Variants in VPS13B observed in about 807,000 individuals in gnomAD.
The protein encoded by VPS13B is vacuolar protein sorting 13 homolog B.
In VPS13B, 285 loss-of-function variants were observed where a neutral mutation model predicts 426.4. The observed-to-expected ratio is 0.67, with a 90% CI of 0.61 to 0.74. The LOEUF is 0.74. VPS13B is among the 30% of genes least tolerant of loss of function. VPS13B has a pLI of 0.00. For synonymous variants in VPS13B, 1,676 were observed against 1,676.4 expected, an observed-to-expected ratio of 1.00 and a Z score of 0.01; for missense variants, 4,537 against 4,782.6, an observed-to-expected ratio of 0.95 and a Z score of 1.51.
chr8:99,058,906 A>G (rs967349675), intron 3 of VPS13B, among the ~76,000 whole-genome samples: 39 of 152,186 alleles, frequency 2.6e-4, no homozygotes, highest in African/African-American at 9.2e-4. Flanking sequence ...CTAGCTCATC[A>G]TATGCTAACA....
At chr8:99,763,512 G>A (rs989703740) in intron 39 of VPS13B, among the ~76,000 whole-genome samples, 5 of 152,142 alleles carry the variant, frequency 3.3e-5, no homozygotes, top group African/African-American at 1.2e-4. Context: ...ATAGTGATAA[G>A]AGCTGTAAAA....
intron 17 of VPS13B, chr8:99,233,339 G>A (rs1299608937): frequency 2.8e-6 from 3 of 1,056,852 alleles, no homozygotes; most frequent in Non-Finnish European, 4.5e-6. Context: ...TCTTCTTTGG[G>A]GTTAAAGAAG....
Position 99,132,633 on chromosome 8 carries a change from T to TA in VPS13B, c.1207-1998dup, listed in dbSNP as rs550607619. Among the ~76,000 whole-genome samples the TA allele has an allele frequency of 3.5e-3, 532 of 152,338 alleles. 2 individuals carry two copies. The highest frequency in any genetic ancestry group is 5.7e-3 in the Non-Finnish European group (391 of 68,038). On this transcript the variant is annotated intron_variant, in intron 8 of 61. Coordinates refer to ENST00000357162, the MANE Select transcript of VPS13B (RefSeq NM_152564.5). ...TCACTATCTATGGTGGCTATAGCCT[T>TA]ACGAAATGTATTCCTTAAATAATAA... is the stretch of plus-strand genomic sequence containing the variant.
At chr8:99,111,582 T>A (rs1847371404) in intron 6 of VPS13B, among the ~76,000 whole-genome samples, 1 of 152,054 alleles carries the variant, frequency 6.6e-6, no homozygotes, top group Non-Finnish European at 1.5e-5. Flanking sequence ...AAAGGTATAT[T>A]TATACCCACA....
chr8:99,743,278 C>A (rs1000081464), intron 39 of VPS13B, among the ~76,000 whole-genome samples: 1 of 151,838 alleles, frequency 6.6e-6, no homozygotes, highest in East Asian at 1.9e-4. Flanking sequence ...ACATGAAGGA[C>A]CTCTTCAAGG....
At chr8:99,640,753 T>C (rs2133929693) in intron 33 of VPS13B, among the ~76,000 whole-genome samples, 1 of 152,302 alleles carries the variant, frequency 6.6e-6, no homozygotes, top group Non-Finnish European at 1.5e-5. Flanking sequence ...ATGTCAACAT[T>C]TGAGTTATCA....
chr8:99,845,447 A>C (rs1815932251), intron 54 of VPS13B, among the ~76,000 whole-genome samples: 1 of 152,200 alleles, frequency 6.6e-6, no homozygotes, highest in Non-Finnish European at 1.5e-5. Context: ...TGAGCCTGGG[A>C]TCACTCGTGC....
intron 17 of VPS13B, among the ~76,000 whole-genome samples, chr8:99,195,821 C>T (rs1232884607): frequency 6.6e-6 from 1 of 152,162 alleles, no homozygotes; most frequent in African/African-American, 2.4e-5. Context: ...AGAATCTGTT[C>T]TTTCCCCATT....
chr8:99,033,709 A>G (rs1842618785), intron 2 of VPS13B, among the ~76,000 whole-genome samples: 1 of 152,082 alleles, frequency 6.6e-6, no homozygotes, highest in South Asian at 2.1e-4. Context: ...CAGCCTGACC[A>G]TCATGGTGAA....
intron 34 of VPS13B, among the ~76,000 whole-genome samples, chr8:99,645,460 A>G (rs1806210306): frequency 6.6e-6 from 1 of 152,232 alleles, no homozygotes; most frequent in South Asian, 2.1e-4. Flanking sequence ...TGGCCCTGCC[A>G]TCAATTAGTA....
chr8:99,766,735 T>A (rs1474148073), intron 39 of VPS13B, 39 bp from the exon 40 acceptor site: 2 of 1,553,044 alleles, frequency 1.3e-6, no homozygotes, highest in Non-Finnish European at 1.8e-6. Context: ...AAGCATAGTT[T>A]CTATTTGCAA....
At chr8:99,520,389 TTGTGTGTGTGTG>T (rs140216567) in intron 29 of VPS13B, among the ~76,000 whole-genome samples, 41 of 138,568 alleles carry the variant, frequency 3.0e-4, no homozygotes, top group Middle Eastern at 3.7e-3. Context: ...GTGATATACT[TTGTGTGTGTGTG>T]TGTGTGTGTG....
intron 8 of VPS13B, among the ~76,000 whole-genome samples, chr8:99,124,251 C>T (rs1488313811): frequency 1.3e-5 from 2 of 152,108 alleles, no homozygotes; most frequent in African/African-American, 4.8e-5. Context: ...TGATTTTGAG[C>T]AGAGCAGTGA....
intron 25 of VPS13B, among the ~76,000 whole-genome samples, chr8:99,489,870 CT>C (rs1247652091): frequency 3.3e-5 from 5 of 152,174 alleles, no homozygotes; most frequent in Non-Finnish European, 4.4e-5. Context: ...TTGACTTCCT[CT>C]TTTCCTGCTT....
chr8:99,858,684 C>CA lies in VPS13B; in HGVS notation c.10868-608dup, dbSNP rs796946310. Among the ~76,000 whole-genome samples the CA allele has an allele frequency of 4.6e-3, 659 of 141,882 alleles. 3 individuals carry two copies. The highest frequency in any genetic ancestry group is 8.0e-3 in the African/African-American group (312 of 38,816). 93.1% of individuals were successfully genotyped at this position (141,882 alleles called of 152,430 possible). A position where few individuals can be genotyped will look rare whatever the true frequency, so the allele number is the denominator to read the frequency against. On this transcript the variant is annotated intron_variant, in intron 56 of 61. Coordinates refer to ENST00000357162, the MANE Select transcript of VPS13B (RefSeq NM_152564.5). Reference sequence around the variant, plus strand: ...TGGGTGACAGAGTGAGACTCGATCTCAAAAAAAAAAAATGTCCCTGTCTCT... The same window carrying CA: ...TGGGTGACAGAGTGAGACTCGATCTCAAAAAAAAAAAAATGTCCCTGTCTCT...
At chr8:99,256,958 T>C (rs1480589330) in intron 17 of VPS13B, among the ~76,000 whole-genome samples, 2 of 152,172 alleles carry the variant, frequency 1.3e-5, no homozygotes, top group Non-Finnish European at 2.9e-5. Flanking sequence ...AGAGCCTGAA[T>C]TGGTCTTATT....
intron 24 of VPS13B, among the ~76,000 whole-genome samples, chr8:99,476,313 A>G (rs567942838): frequency 6.6e-6 from 1 of 152,260 alleles, no homozygotes; most frequent in South Asian, 2.1e-4. Flanking sequence ...ACAAAACATG[A>G]GACTCTAAAT....
chr8:99,693,772 G>C (rs1282006311), intron 35 of VPS13B, among the ~76,000 whole-genome samples: 1 of 148,264 alleles, frequency 6.7e-6, no homozygotes, highest in South Asian at 2.2e-4. Flanking sequence ...GTTTGCAGAC[G>C]ACATGATTGT....
At chr8:99,106,009 TATTA>T (rs1352490669) in intron 5 of VPS13B, among the ~76,000 whole-genome samples, 1 of 152,214 alleles carries the variant, frequency 6.6e-6, no homozygotes, top group Non-Finnish European at 1.5e-5. Context: ...ACATATTTTA[TATTA>T]ATTATCTTGT....
Sources: gnomAD v4.1 joint callset for allele counts (sites outside exome capture counted in the v4.1 genomes callset) on GRCh38, gnomAD v4.1.1 for gene constraint, MANE v1.5 for transcripts, NCBI Gene and HGNC (gene_info 2026-07-23, HGNC 2026-07-21) for gene names.